Variants in BRWD3 observed in about 807,000 individuals in gnomAD.
The protein encoded by BRWD3 is bromodomain and WD repeat domain containing 3, also known as bromodomain and WD repeat-containing protein 3.
Under a neutral mutation model 149.7 loss-of-function variants are expected in BRWD3, and 10 were observed. That is an observed-to-expected ratio of 0.07 (90% CI 0.04 to 0.11). The LOEUF (loss-of-function observed/expected upper bound fraction) is 0.11. Among genes scored for constraint, BRWD3 ranks in the 10% least tolerant of loss-of-function variants. BRWD3 has a pLI of 1.00. For missense variants in BRWD3, 940 were observed against 1,373.2 expected, an observed-to-expected ratio of 0.68 and a Z score of 4.99; for synonymous variants, 504 against 456.7, an observed-to-expected ratio of 1.10 and a Z score of -1.32.
chrX:80,679,286 C>T (rs1347158577), intron 40 of BRWD3, among the ~76,000 whole-genome samples: 2 of 111,977 alleles, frequency 1.8e-5, no homozygotes, highest in Admixed American at 1.9e-4. Flanking sequence ...AACTTGGCAA[C>T]TGACTAGGTA....
At chrX:80,717,367 C>T (rs924250410) in intron 19 of BRWD3, 57 of 427,281 alleles carry the variant, frequency 1.3e-4, no homozygotes, top group Non-Finnish European at 2.2e-4. Flanking sequence ...TTTGCATTTT[C>T]AATATTCCCC....
Position 80,746,563 on chromosome X carries a change from CCTT to C in BRWD3, c.431-837_431-835del, listed in dbSNP as rs1453554761. ...CAGCCACCCACTTGCCCTGTGAAATCCTTCATCTTCCCTTATACACTAAAAGTG... is the reference window on the plus strand; with the variant it reads ...CAGCCACCCACTTGCCCTGTGAAATCCATCTTCCCTTATACACTAAAAGTG... On this transcript the variant is annotated intron_variant, in intron 6 of 40. Transcript: ENST00000373275. 2.7e-5 allele frequency among the ~76,000 whole-genome samples: 3 copies of C among 111,622 alleles called. No individual in the cohort carries two copies. In the East Asian group the frequency reaches 8.4e-4, roughly 31 times the overall value.
At chrX:80,804,796 A>C (rs2074334460) in intron 4 of BRWD3, among the ~76,000 whole-genome samples, 1 of 111,880 alleles carries the variant, frequency 8.9e-6, no homozygotes, top group African/African-American at 3.2e-5. Flanking sequence ...CTACCTTAAG[A>C]TGAATTGCAA....
chrX:80,707,295 T>C lies in BRWD3; in HGVS notation c.2552+132A>G, dbSNP rs908529155. On this transcript the variant is annotated intron_variant, in intron 22 of 40. Coordinates refer to ENST00000373275, the MANE Select transcript of BRWD3 (RefSeq NM_153252.5). The stretch of plus-strand genomic sequence containing the variant: ...GAGAGCCAGGATCACATCAGGTCTC[T>C]CGGCTTCCAGCCAATACCTTTTCTA... The C allele has an allele frequency of 9.7e-6, 6 of 618,295 alleles. No homozygotes were observed. The Admixed American group carries it at 1.8e-4, about 19-fold the overall frequency. 51.0% of individuals were successfully genotyped at this position (618,295 alleles called of 1,213,427 possible). A position where few individuals can be genotyped will look rare whatever the true frequency, so the allele number is the denominator to read the frequency against.
chrX:80,713,226 A>G lies in BRWD3; in HGVS notation c.2325+2931T>C, dbSNP rs1196073864. Reference sequence around the variant, plus strand: ...TCATTGAGAACGGGCCATGATGACAATGGCGGTTTTGTGGAATAGAAAAGG... The same window carrying G: ...TCATTGAGAACGGGCCATGATGACAGTGGCGGTTTTGTGGAATAGAAAAGG... On this transcript the variant is annotated intron_variant, in intron 20 of 40. Transcript: ENST00000373275. 3.6e-5 allele frequency among the ~76,000 whole-genome samples: 4 copies of G among 111,261 alleles called. No homozygotes were observed. The East Asian group carries it at 1.1e-3, about 32-fold the overall frequency.
At chrX:80,725,906 A>G (rs150728684) in intron 14 of BRWD3, among the ~76,000 whole-genome samples, 2,862 of 109,995 alleles carry the variant, frequency 0.026, 46 homozygotes, top group Middle Eastern at 0.048. Context: ...ATGTTTACAT[A>G]TGTTACATGC....
chrX:80,726,548 C>T (rs2147763517), intron 14 of BRWD3, among the ~76,000 whole-genome samples: 1 of 110,449 alleles, frequency 9.1e-6, no homozygotes, highest in African/African-American at 3.3e-5. Flanking sequence ...AGAGAACATC[C>T]TGAAGCTGCA....
intron 6 of BRWD3, among the ~76,000 whole-genome samples, chrX:80,748,324 T>G (rs1043281403): frequency 4.4e-5 from 5 of 112,471 alleles, no homozygotes; most frequent in African/African-American, 1.6e-4. Context: ...TTTGCATCTA[T>G]TCTCAAAAGG....
chrX:80,788,348 C>T, intron 6 of BRWD3, among the ~76,000 whole-genome samples: 1 of 109,416 alleles, frequency 9.1e-6, no homozygotes, highest in Middle Eastern at 4.6e-3. Context: ...GGATTTGTAC[C>T]CAAAATATAT....
chrX:80,746,258 T>C (rs2073591560), intron 6 of BRWD3, among the ~76,000 whole-genome samples: 1 of 110,698 alleles, frequency 9.0e-6, no homozygotes, highest in Non-Finnish European at 1.9e-5. Flanking sequence ...TTACAAATAT[T>C]TTATGTTACA....
At chrX:80,756,176 T>TC (rs2073734054) in intron 6 of BRWD3, among the ~76,000 whole-genome samples, 1 of 111,157 alleles carries the variant, frequency 9.0e-6, no homozygotes, top group Non-Finnish European at 1.9e-5. Context: ...ATATATTTTT[T>TC]CTCAGTGATT....
intron 8 of BRWD3, 182 bp downstream of exon 8, chrX:80,743,850 A>G: frequency 2.5e-6 from 1 of 397,405 alleles, no homozygotes; most frequent in Non-Finnish European, 4.4e-6. Flanking sequence ...ATTTATTAAA[A>G]AAGATAATCA....
chrX:80,730,520 G>C (rs895612013), intron 12 of BRWD3, among the ~76,000 whole-genome samples: 3 of 111,113 alleles, frequency 2.7e-5, no homozygotes, highest in Non-Finnish European at 5.7e-5. Context: ...TGGTTACCAA[G>C]AGCTGGGAGT....
Position 80,681,410 on chromosome X carries a change from G to A in BRWD3, c.4585C>T (p.Arg1529Ter). 8.3e-7 allele frequency: 1 copy of A among 1,209,799 alleles called. No homozygotes were observed. The highest frequency in any genetic ancestry group is 1.1e-6 in the Non-Finnish European group (1 of 894,408). The change falls in exon 40 of 41, where the codon CGA becomes TGA. Residue 1529 changes from arginine to a stop codon, truncating the protein, a stop_gained. Transcript: ENST00000373275. LOFTEE classifies it high-confidence loss of function. ...CCTGGGTCATGGCTATTTCCACTTCGGCTATATCCACCGAAGCTCGATGAA... is the reference window on the plus strand; with the variant it reads ...CCTGGGTCATGGCTATTTCCACTTCAGCTATATCCACCGAAGCTCGATGAA... ...FSSSSFGGYS[R>*]SGNSHDPGKA...
rs2074019959 is a variant in BRWD3 at position 80,778,286 on chromosome X, A to T, written c.430+13568T>A. Among the ~76,000 whole-genome samples, 3 of 111,913 alleles carry T rather than the reference A, an allele frequency of 2.7e-5. No individual in the cohort carries two copies. In the Admixed American group the frequency reaches 2.9e-4, roughly 11 times the overall value. On this transcript the variant is annotated intron_variant, in intron 6 of 40. Transcript: ENST00000373275. Reference sequence around the variant, plus strand: ...ATTACCAAAATAATGTTCAAATATGATGCTTACAAGATTAAGAAAATCCTG... The same window carrying T: ...ATTACCAAAATAATGTTCAAATATGTTGCTTACAAGATTAAGAAAATCCTG...
chrX:80,806,873 G>A (rs750301885), intron 4 of BRWD3, among the ~76,000 whole-genome samples: 9 of 112,117 alleles, frequency 8.0e-5, no homozygotes, highest in Non-Finnish European at 1.7e-4. Context: ...AGTAAACTGG[G>A]TTGTTGGGGT....
chrX:80,712,537 A>G (rs1453535449), intron 20 of BRWD3, among the ~76,000 whole-genome samples: 1 of 110,788 alleles, frequency 9.0e-6, no homozygotes, highest in African/African-American at 3.3e-5. Flanking sequence ...GGCCTCCCAA[A>G]GTGCCGAGAT....
chrX:80,695,421 T>C (rs988450872), intron 27 of BRWD3, among the ~76,000 whole-genome samples: 2 of 111,952 alleles, frequency 1.8e-5, no homozygotes, highest in African/African-American at 3.2e-5. Context: ...TGTATTGTTA[T>C]ACAATAGAGC....
rs759433212 is a variant in BRWD3, at chrX:80,793,624, T to G, written c.329A>C (p.Lys110Thr). ...VGRQSLLRDA[K>T]DCKSTLWNGS... is the part of the protein sequence containing the mutation. The stretch of plus-strand genomic sequence containing the variant: ...GTCCTAAATTCTGAAAATCTCACCT[T>G]TGGCATCCCGTAGCAGAGACTGCCG... Residue 110 changes from lysine (K) to threonine (T), a missense_variant and splice_region_variant, in exon 5 of 41, where the codon AAA becomes ACA. Physicochemically the swap from Lys to Thr is moderately conservative, Grantham distance 78. Around this residue, in one of 6 missense-constraint regions of BRWD3, gnomAD observed 105 missense variants for 127.7 expected, o/e 0.82. Transcript: ENST00000373275. 8.3e-6 allele frequency: 10 copies of G among 1,210,236 alleles called. No individual in the cohort carries two copies. In the South Asian group the frequency reaches 1.8e-4, roughly 21 times the overall value.
Sources: allele counts gnomAD v4.1 joint callset (sites outside exome capture counted in the v4.1 genomes callset), GRCh38; gene constraint gnomAD v4.1.1; regional missense constraint gnomAD v4.1.1; transcripts MANE v1.5; gene names NCBI Gene and HGNC (gene_info 2026-07-23, HGNC 2026-07-21).